Variants in PARP15 observed in about 807,000 individuals in gnomAD.
PARP15 encodes poly(ADP-ribose) polymerase family member 15.
In PARP15, 50 loss-of-function variants were observed where a neutral mutation model predicts 62.1. The ratio of observed to expected loss-of-function variants is 0.81; its 90% CI spans 0.64 to 1.02. The LOEUF (loss-of-function observed/expected upper bound fraction) is 1.02, where lower values mean the gene tolerates loss of function less well. PARP15 is among the 50% of genes least tolerant of loss of function. The pLI, the probability that PARP15 is intolerant of heterozygous loss-of-function variation, is 0.00. For missense variants in PARP15, 820 were observed against 826.5 expected (o/e 0.99, Z 0.10); for synonymous variants, 309 against 293.1 (o/e 1.05, Z -0.55).
intron 9 of PARP15, among the ~76,000 whole-genome samples, chr3:122,629,115 C>G (rs1283226707): frequency 6.6e-6 from 1 of 152,098 alleles, no homozygotes; most frequent in African/African-American, 2.4e-5. Context: ...TGAGAATAAA[C>G]AGTGAGGAGA....
chr3:122,602,864 C>T (rs144759555), intron 1 of PARP15, among the ~76,000 whole-genome samples: 1 of 152,170 alleles, frequency 6.6e-6, no homozygotes, highest in South Asian at 2.1e-4. Flanking sequence ...TGAGGATTAC[C>T]TCCATTGCAT....
chr3:122,605,860 C>G, intron 1 of PARP15, 76 bp from the exon 2 acceptor site: 2 of 1,472,010 alleles, frequency 1.4e-6, no homozygotes, highest in Non-Finnish European at 1.8e-6. Flanking sequence ...AGATTACAGA[C>G]CTGAGCCACC....
intron 1 of PARP15, among the ~76,000 whole-genome samples, chr3:122,587,951 G>A (rs908699361): frequency 1.3e-5 from 2 of 152,084 alleles, no homozygotes; most frequent in East Asian, 3.9e-4. Flanking sequence ...AAAATTTGGT[G>A]TTTTTTAAAA....
At chr3:122,603,310 G>A (rs570006459) in intron 1 of PARP15, among the ~76,000 whole-genome samples, 56 of 152,182 alleles carry the variant, frequency 3.7e-4, no homozygotes, top group Middle Eastern at 3.4e-3. Context: ...GTAAGGGGTT[G>A]GAGGCAACAT....
chr3:122,587,269 T>C (rs1388939043), intron 1 of PARP15, among the ~76,000 whole-genome samples: 1 of 152,204 alleles, frequency 6.6e-6, no homozygotes, highest in Non-Finnish European at 1.5e-5. Flanking sequence ...TATGTGCAGA[T>C]TTTTGCATGG....
chr3:122,621,351 C>A, intron 7 of PARP15, 93 bp from the exon 8 acceptor site: 1 of 1,368,008 alleles, frequency 7.3e-7, no homozygotes. Flanking sequence ...TCACAGCCTT[C>A]ACGGATGTCA....
At chr3:122,578,866 A>T (rs2080739978) in intron 1 of PARP15, among the ~76,000 whole-genome samples, 1 of 152,180 alleles carries the variant, frequency 6.6e-6, no homozygotes, top group African/African-American at 2.4e-5. Context: ...TGAAAATTTG[A>T]GTATGTAATG....
chr3:122,590,342 G>A (rs7640600), intron 1 of PARP15, among the ~76,000 whole-genome samples: 78,776 of 151,664 alleles, frequency 0.52, 20,682 homozygotes, highest in African/African-American at 0.57. Flanking sequence ...GCATGATCTC[G>A]GCTCACTGCA....
At chr3:122,623,621 G>A (rs1345219360) in intron 8 of PARP15, among the ~76,000 whole-genome samples, 1 of 152,210 alleles carries the variant, frequency 6.6e-6, no homozygotes, top group Non-Finnish European at 1.5e-5. Context: ...AGAGGAGGAA[G>A]TGGGAGGCCA....
rs1937480507 is a variant in PARP15, at chr3:122,638,626, T to C, written c.*2526T>C. 6.6e-6 allele frequency: 1 copy of C among 152,242 alleles called. No homozygotes were observed. The highest frequency in any genetic ancestry group is 1.5e-5 in the Non-Finnish European group (1 of 68,038). The allele number at this position is 152,242 out of a possible 1,614,324, so 9.4% of individuals were successfully genotyped here. ...TTGAGAAGTGTCCGTTCATATCCTT[T>C]GCCCACTTTTTGATGGGGTTCTTTG... is the stretch of plus-strand genomic sequence containing the variant. On this transcript the variant is annotated 3_prime_UTR_variant, in exon 12 of 12. Coordinates refer to ENST00000464300, the MANE Select transcript of PARP15 (RefSeq NM_001113523.3).
chr3:122,584,795 C>T (rs1162965221), intron 1 of PARP15, among the ~76,000 whole-genome samples: 1 of 152,074 alleles, frequency 6.6e-6, no homozygotes, highest in Non-Finnish European at 1.5e-5. Flanking sequence ...TCAGGCTGGT[C>T]TTGAACTCCT....
At position 122,636,112 on chromosome 3, in the gene PARP15, T is replaced by C. The variant is rs774341559; in HGVS notation, c.*12T>C. On this transcript the variant is annotated 3_prime_UTR_variant, in exon 12 of 12. Coordinates refer to ENST00000464300, the MANE Select transcript of PARP15 (RefSeq NM_001113523.3). ...CTTTCACGGCTTAAAAATATTTTTATCATCAAAGAGATGATTTAAGTCATC... is the reference window on the plus strand; with the variant it reads ...CTTTCACGGCTTAAAAATATTTTTACCATCAAAGAGATGATTTAAGTCATC... 6.2e-7 allele frequency: 1 copy of C among 1,600,992 alleles called. No individual in the cohort carries two copies. Among genetic ancestry groups the C allele is most frequent in the South Asian group, 1.1e-5 (1 of 89,794 alleles).
intron 4 of PARP15, among the ~76,000 whole-genome samples, chr3:122,614,337 T>G (rs1004763815): frequency 6.6e-6 from 1 of 152,192 alleles, no homozygotes; most frequent in Non-Finnish European, 1.5e-5. Context: ...CCACTTAAAC[T>G]GGATCAAAGA....
chr3:122,598,103 G>A (rs1044504845), intron 1 of PARP15, among the ~76,000 whole-genome samples: 1 of 152,118 alleles, frequency 6.6e-6, no homozygotes, highest in African/African-American at 2.4e-5. Context: ...CTGGTATAGT[G>A]GTTAGAGCTT....
intron 1 of PARP15, among the ~76,000 whole-genome samples, chr3:122,601,100 G>A (rs767926003): frequency 1.6e-4 from 22 of 138,278 alleles, no homozygotes; most frequent in African/African-American, 3.2e-4. Context: ...GGAGTGCAGC[G>A]GTGCGATCTC....
chr3:122,593,646 TATAC>T (rs1379481387), intron 1 of PARP15, among the ~76,000 whole-genome samples: 1 of 152,204 alleles, frequency 6.6e-6, no homozygotes, highest in African/African-American at 2.4e-5. Flanking sequence ...TATAGGACAT[TATAC>T]ATACATACAT....
intron 1 of PARP15, among the ~76,000 whole-genome samples, chr3:122,603,132 A>C (rs1383668328): frequency 6.6e-6 from 1 of 152,060 alleles, no homozygotes; most frequent in African/African-American, 2.4e-5. Context: ...CTTTGGCCAC[A>C]GCCTTGTATC....
chr3:122,621,540 CG>C lies in PARP15; in HGVS notation c.1162del (p.Val388SerfsTer5). The C allele has an allele frequency of 1.2e-6, 2 of 1,613,938 alleles. No individual in the cohort carries two copies. Among genetic ancestry groups the C allele is most frequent in the South Asian group, 2.2e-5 (2 of 91,030 alleles). The stretch of plus-strand genomic sequence containing the variant: ...CCTGGGGGAAAAGATGTCAGGAAAA[CG>C]GTCACCAGTGTTCTAGAAGAGTGTG... ...HVPGGKDVRK[T>X]VTSVLEECEQ... On this transcript the variant is annotated frameshift_variant, in exon 8 of 12. Coordinates refer to ENST00000464300, the MANE Select transcript of PARP15 (RefSeq NM_001113523.3). LOFTEE classifies it high-confidence loss of function.
chr3:122,602,088 C>T (rs1361414309), intron 1 of PARP15, among the ~76,000 whole-genome samples: 1 of 152,158 alleles, frequency 6.6e-6, no homozygotes, highest in Non-Finnish European at 1.5e-5. Flanking sequence ...TTGGACTTTC[C>T]TTAGTGGTCT....
Sources: gnomAD v4.1 joint callset for allele counts (sites outside exome capture counted in the v4.1 genomes callset) on GRCh38, gnomAD v4.1.1 for gene constraint, MANE v1.5 for transcripts, NCBI Gene and HGNC (gene_info 2026-07-23, HGNC 2026-07-21) for gene names.